Variants in ADGRV1 observed in about 807,000 individuals in gnomAD.
The protein encoded by ADGRV1 is G-protein coupled receptor 98.
A neutral mutation model predicts 596.2 loss-of-function variants in ADGRV1; 359 were observed. That is an observed-to-expected ratio of 0.60 (90% CI 0.55 to 0.66). The LOEUF is 0.66. ADGRV1 is among the 30% of genes least tolerant of loss of function. ADGRV1 has a pLI of 0.00. For synonymous variants in ADGRV1, 2,681 were observed against 2,679.2 expected, an observed-to-expected ratio of 1.00 and a Z score of -0.02; for missense variants, 7,274 against 7,575.6, an observed-to-expected ratio of 0.96 and a Z score of 1.48.
intron 14 of ADGRV1, among the ~76,000 whole-genome samples, chr5:90,644,390 T>C (rs1469055611): frequency 6.6e-6 from 1 of 152,256 alleles, no homozygotes; most frequent in East Asian, 1.9e-4. Flanking sequence ...CTGTAACTGC[T>C]TTTAGCAGAT....
intron 87 of ADGRV1, among the ~76,000 whole-genome samples, chr5:91,139,439 T>C (rs1011089894): frequency 6.6e-6 from 1 of 152,212 alleles, no homozygotes; most frequent in Non-Finnish European, 1.5e-5. Flanking sequence ...GACATTGGTG[T>C]GAGATAAGGC....
rs774082110 is a variant in ADGRV1, at chr5:90,759,526, G to A, written c.12058G>A (p.Val4020Ile). The A allele has an allele frequency of 1.9e-6, 3 of 1,613,208 alleles. No homozygotes were observed. Among genetic ancestry groups the A allele is most frequent in the South Asian group, 2.2e-5 (2 of 90,932 alleles). ...TGGCAGACTTGGTGATGATGTTGTG[G>A]TAACTGTTGTTATTCCACAAAATGA... The part of the protein sequence containing the change: ...GGGRLGDDVV[V>I]TVVIPQNDSP... The change falls in exon 58 of 90, where the codon GTA becomes ATA. Residue 4020 changes from valine (V) to isoleucine (I), a missense_variant. Physicochemically the swap from Val to Ile is conservative, Grantham distance 29. Coordinates refer to ENST00000405460, the MANE Select transcript of ADGRV1 (RefSeq NM_032119.4).
At chr5:90,595,770 T>C (rs113874960) in intron 1 of ADGRV1, among the ~76,000 whole-genome samples, 107 of 91,976 alleles carry the variant, frequency 1.2e-3, no homozygotes, top group Middle Eastern at 0.022. Flanking sequence ...CCGGACGGGG[T>C]GGCTGGCCGG....
At chr5:90,687,361 T>C (rs1745810407) in intron 29 of ADGRV1, among the ~76,000 whole-genome samples, 1 of 152,228 alleles carries the variant, frequency 6.6e-6, no homozygotes, top group Admixed American at 6.5e-5. Flanking sequence ...CGTTTAAGTC[T>C]TTAATCCATC....
At chr5:91,029,757 T>A (rs1292853073) in intron 85 of ADGRV1, among the ~76,000 whole-genome samples, 1 of 152,148 alleles carries the variant, frequency 6.6e-6, no homozygotes, top group Non-Finnish European at 1.5e-5. Context: ...ATTGCAAATA[T>A]CTGCTTCTAG....
intron 75 of ADGRV1, among the ~76,000 whole-genome samples, chr5:90,816,706 C>A (rs543007634): frequency 1.3e-5 from 2 of 152,000 alleles, no homozygotes; most frequent in African/African-American, 2.4e-5. Flanking sequence ...ATGATGGTTT[C>A]CAGCTTCATC....
In ADGRV1 at chr5:90,637,874, C is replaced by A; in HGVS notation, c.2166C>A (p.Asp722Glu). 6.2e-7 allele frequency: 1 copy of A among 1,613,594 alleles called. No individual in the cohort carries two copies. Among genetic ancestry groups the A allele is most frequent in the Non-Finnish European group, 8.5e-7 (1 of 1,179,724 alleles). Reference sequence around the variant, plus strand: ...TTTTGTTTTTATCTGGGCAAAGTGACACAACAATCAACATTACTATCAAAG... The same window carrying A: ...TTTTGTTTTTATCTGGGCAAAGTGAAACAACAATCAACATTACTATCAAAG... ...GSVLFLSGQS[D>E]TTINITIKGD... Residue 722 changes from aspartate (D) to glutamate (E), a missense_variant, in exon 11 of 90, where the codon GAC (aspartate) becomes GAA (glutamate). Physicochemically the swap from Asp to Glu is conservative, Grantham distance 45. This residue lies in a region of ADGRV1 where 1,715 missense variants were observed against 1,708.8 expected (regional missense o/e 1.00). Coordinates refer to ENST00000405460, the MANE Select transcript of ADGRV1 (RefSeq NM_032119.4).
intron 59 of ADGRV1, among the ~76,000 whole-genome samples, chr5:90,766,546 A>G (rs978710716): frequency 2.0e-5 from 3 of 152,178 alleles, no homozygotes; most frequent in African/African-American, 7.2e-5. Context: ...TTAAGGAAGT[A>G]TTTCAGCCAA....
At chr5:90,799,398 C>T (rs1761109446) in intron 70 of ADGRV1, among the ~76,000 whole-genome samples, 1 of 152,102 alleles carries the variant, frequency 6.6e-6, no homozygotes, top group Admixed American at 6.5e-5. Context: ...TCAAGGACAA[C>T]CACAAACCAC....
chr5:90,811,501 C>G (rs1367733397), intron 74 of ADGRV1, among the ~76,000 whole-genome samples, 163 bp downstream of exon 74: 1 of 152,122 alleles, frequency 6.6e-6, no homozygotes, highest in Non-Finnish European at 1.5e-5. Flanking sequence ...ATGACATGAA[C>G]TCATGATGTG....
intron 1 of ADGRV1, among the ~76,000 whole-genome samples, chr5:90,590,126 C>T (rs370829620): frequency 3.9e-4 from 60 of 152,130 alleles, no homozygotes; most frequent in African/African-American, 1.4e-3. Context: ...TGTTGTATTT[C>T]ATTTGAGGAA....
chr5:90,823,118 T>C (rs1160050999), intron 75 of ADGRV1, among the ~76,000 whole-genome samples: 1 of 152,232 alleles, frequency 6.6e-6, no homozygotes, highest in Admixed American at 6.5e-5. Context: ...GGATGCCCTT[T>C]ATTTCCTTCT....
chr5:90,973,055 C>T (rs1466041664), intron 84 of ADGRV1, among the ~76,000 whole-genome samples: 1 of 152,162 alleles, frequency 6.6e-6, no homozygotes, highest in African/African-American at 2.4e-5. Context: ...AGACTACCAT[C>T]AGAGAATACT....
chr5:91,163,921 T>C lies in ADGRV1; in HGVS notation c.*21T>C, dbSNP rs1434130491. Reference sequence around the variant, plus strand: ...TGTAGCACCTCACTAACCATTCGACTGAGCACACTTTCATATTTGTATCAG... The same window carrying C: ...TGTAGCACCTCACTAACCATTCGACCGAGCACACTTTCATATTTGTATCAG... On this transcript the variant is annotated 3_prime_UTR_variant, in exon 90 of 90. Coordinates refer to ENST00000405460, the MANE Select transcript of ADGRV1 (RefSeq NM_032119.4). The C allele has an allele frequency of 9.1e-7, 1 of 1,098,968 alleles. No homozygotes were observed. The highest frequency in any genetic ancestry group is 1.8e-5 in the Admixed American group (1 of 55,470). The allele number at this position is 1,098,968 out of a possible 1,614,324, so 68.1% of individuals were successfully genotyped here.
intron 1 of ADGRV1, among the ~76,000 whole-genome samples, chr5:90,569,354 GATATATATATATATATAT>G (rs1185532852): frequency 1.6e-4 from 2 of 12,796 alleles, no homozygotes; most frequent in East Asian, 2.0e-3. Context: ...CTGTTTGCAT[GATATATATATATATATAT>G]ATATATATAT....
chr5:90,612,271 T>C (rs549302305), intron 1 of ADGRV1, among the ~76,000 whole-genome samples: 1 of 152,212 alleles, frequency 6.6e-6, no homozygotes, highest in East Asian at 1.9e-4. Flanking sequence ...ATAAATGTAA[T>C]GTTTATTAGA....
At chr5:90,594,785 G>T (rs1359353855) in intron 1 of ADGRV1, among the ~76,000 whole-genome samples, 1 of 150,824 alleles carries the variant, frequency 6.6e-6, no homozygotes, top group South Asian at 2.1e-4. Flanking sequence ...ATGTTTCAGA[G>T]AGCACAGGGT....
intron 70 of ADGRV1, chr5:90,791,882 G>A (rs1455973386): frequency 6.5e-6 from 1 of 153,220 alleles, no homozygotes; most frequent in African/African-American, 2.4e-5. Context: ...ATCTGGGGTG[G>A]GTGATCAGAA....
intron 75 of ADGRV1, among the ~76,000 whole-genome samples, chr5:90,820,685 G>A (rs1230364599): frequency 6.7e-6 from 1 of 149,830 alleles, no homozygotes; most frequent in African/African-American, 2.4e-5. Flanking sequence ...AGCTTAGTTT[G>A]GCTGGATATG....
Sources: allele counts gnomAD v4.1 joint callset (sites outside exome capture counted in the v4.1 genomes callset), GRCh38; gene constraint gnomAD v4.1.1; regional missense constraint gnomAD v4.1.1; transcripts MANE v1.5; gene names NCBI Gene and HGNC (gene_info 2026-07-23, HGNC 2026-07-21).